MIIP: variants seen among roughly 807,000 people sequenced by gnomAD.
MIIP encodes the protein migration and invasion inhibitory protein.
Under a neutral mutation model 44.8 loss-of-function variants are expected in MIIP, and 44 were observed. The ratio of observed to expected loss-of-function variants is 0.98; its 90% confidence interval spans 0.77 to 1.26. The LOEUF (loss-of-function observed/expected upper bound fraction) is 1.26. MIIP is among the 50% of genes most tolerant of loss of function. MIIP has a pLI of 0.00. For synonymous variants in MIIP, 225 were observed against 218.3 expected (o/e 1.03, Z -0.27); for missense variants, 496 against 511.7 (o/e 0.97, Z 0.30).
At position 12,031,269 on chromosome 1, in the gene MIIP, T is replaced by G. The variant is rs1222098233; in HGVS notation, c.946T>G (p.Cys316Gly). Residue 316 changes from cysteine to glycine, a missense_variant, in exon 9 of 10, where the codon TGC becomes GGC. Coordinates refer to ENST00000235332, the MANE Select transcript of MIIP (RefSeq NM_021933.4). ...ASDTLALPRH[C>G]LLGWDIFPPK... ...TTTAACTCCTTGCCTTCCACAGCAC[T>G]GCCTGCTGGGCTGGGACATTTTTCC... 3.1e-6 allele frequency: 5 copies of G among 1,613,554 alleles called. No homozygotes were observed. Among genetic ancestry groups the G allele is most frequent in the South Asian group, 2.2e-5 (2 of 91,018 alleles).
chr1:12,025,063 T>G (rs866423916), intron 4 of MIIP, among the ~76,000 whole-genome samples: 16 of 151,330 alleles, frequency 1.1e-4, no homozygotes, highest in Admixed American at 4.0e-4. Context: ...TGTTGTTGTT[T>G]TTTTTGTTTG....
chr1:12,028,236 G>A (rs764679904), intron 4 of MIIP, among the ~76,000 whole-genome samples: 5 of 152,258 alleles, frequency 3.3e-5, no homozygotes, highest in East Asian at 1.9e-4. Flanking sequence ...ATCCTAAGTC[G>A]AATCATGGTA....
Position 12,021,667 on chromosome 1 carries a change from C to A in MIIP, c.-60C>A. On this transcript the variant is annotated 5_prime_UTR_variant, in exon 2 of 10. Coordinates refer to ENST00000235332, the MANE Select transcript of MIIP (RefSeq NM_021933.4). ...CAGGTAGAAGAGCTGGGCCTGGAAC[C>A]CAGCCCTGAGGACATCCTGCGGCCC... The A allele has an allele frequency of 6.7e-7, 1 of 1,491,914 alleles. No homozygotes were observed. Among genetic ancestry groups the A allele is most frequent in the Non-Finnish European group, 9.2e-7 (1 of 1,083,368 alleles). The allele number at this position is 1,491,914 out of a possible 1,614,324, so 92.4% of individuals were successfully genotyped here. A position where few individuals can be genotyped will look rare whatever the true frequency, so the allele number is the denominator to read the frequency against.
intron 4 of MIIP, among the ~76,000 whole-genome samples, chr1:12,025,640 G>A (rs999471324): frequency 2.6e-5 from 4 of 152,118 alleles, no homozygotes; most frequent in African/African-American, 9.7e-5. Context: ...CTAGACTTAC[G>A]AGGCATGATC....
chr1:12,028,940 C>T (rs1397136508), intron 4 of MIIP, 93 bp from the exon 5 acceptor site: 9 of 1,053,382 alleles, frequency 8.5e-6, no homozygotes, highest in Non-Finnish European at 1.3e-5. Context: ...CCTGGGGTGC[C>T]AGGGCTGATC....
intron 4 of MIIP, among the ~76,000 whole-genome samples, chr1:12,025,028 C>CTTTTTTTTTTTTTTTTTTTTTTTT (rs147513513): frequency 9.3e-4 from 115 of 123,876 alleles, no homozygotes; most frequent in Non-Finnish European, 1.2e-3. Context: ...AATTCCCTTC[C>CTTTTTTTTTTTTTTTTTTTTTTTT]TTTTTTTTTT....
chr1:12,031,897 G>T lies in MIIP; in HGVS notation c.*89G>T, dbSNP rs148087887. 3 of 1,320,892 alleles carry T rather than the reference G, an allele frequency of 2.3e-6. No homozygotes were observed. In the African/African-American group the frequency reaches 4.3e-5, roughly 19 times the overall value. The allele number at this position is 1,320,892 out of a possible 1,614,324, so 81.8% of individuals were successfully genotyped here. ...ACCCAGGAGATGGAATCCCCTGCCC[G>T]CCCAGCTCAGGCCCAGCTGTCCTAG... is the stretch of plus-strand genomic sequence containing the variant. On this transcript the variant is annotated 3_prime_UTR_variant, in exon 10 of 10. Coordinates refer to ENST00000235332, the MANE Select transcript of MIIP (RefSeq NM_021933.4).
Position 12,021,681 on chromosome 1 carries a change from A to G in MIIP, c.-46A>G. On this transcript the variant is annotated 5_prime_UTR_variant, in exon 2 of 10. Transcript: ENST00000235332. ...GGGCCTGGAACCCAGCCCTGAGGAC[A>G]TCCTGCGGCCCAGGGGCAAGTGACA... The G allele has an allele frequency of 6.4e-7, 1 of 1,558,560 alleles. No homozygotes were observed. The highest frequency in any genetic ancestry group is 1.4e-5 in the African/African-American group (1 of 74,072).
Position 12,019,955 on chromosome 1 carries a change from G to T in MIIP, c.-83+403G>T, listed in dbSNP as rs190950843. 7.1e-3 allele frequency among the ~76,000 whole-genome samples: 1,082 copies of T among 152,314 alleles called. 16 individuals are homozygous for T. Among genetic ancestry groups the T allele is most frequent in the African/African-American group, 0.024 (1,009 of 41,580 alleles). On this transcript the variant is annotated intron_variant, in intron 1 of 9. Transcript: ENST00000235332. ...GTTGGCCCCTCTGGACTGCATCTCCGTGCCCCCCGGCCCTGCGGGGTAATA... is the reference window on the plus strand; with the variant it reads ...GTTGGCCCCTCTGGACTGCATCTCCTTGCCCCCCGGCCCTGCGGGGTAATA...
rs747127837 is a variant in MIIP, at chr1:12,029,881, C to G, written c.832C>G (p.Pro278Ala). 8.7e-6 allele frequency: 14 copies of G among 1,612,878 alleles called. No individual in the cohort carries two copies. In the South Asian group the frequency reaches 8.8e-5, roughly 10 times the overall value. The change falls in exon 7 of 10, where the codon CCA becomes GCA. Residue 278 changes from proline (P) to alanine (A), a missense_variant. Coordinates refer to ENST00000235332, the MANE Select transcript of MIIP (RefSeq NM_021933.4). ...DQQGPGTLAQ[P>A]AHVRVSIPLS... ...GCAGGGCCCTGGGACCCTGGCGCAG[C>G]CAGCGCACGTCAGGTGAGTGACCAG...
rs34874602 is a variant in MIIP at position 12,031,782 on chromosome 1, C to T, written c.1141C>T (p.Pro381Ser). 3,419 of 1,613,922 alleles carry T rather than the reference C, an allele frequency of 2.1e-3. 67 individuals carry two copies. The African/African-American group carries it at 0.04, about 19-fold the overall frequency. ...PTWSVPQVPR[P>S]HVPRQKP Reference sequence around the variant, plus strand: ...CTGGTCAGTGCCCCAGGTCCCTCGGCCCCACGTCCCACGGCAGAAGCCCTG... The same window carrying T: ...CTGGTCAGTGCCCCAGGTCCCTCGGTCCCACGTCCCACGGCAGAAGCCCTG... The change falls in exon 10 of 10, where the codon CCC (proline) becomes TCC (serine). Residue 381 changes from proline (P) to serine (S), a missense_variant. Coordinates refer to ENST00000235332, the MANE Select transcript of MIIP (RefSeq NM_021933.4).
At chr1:12,026,134 G>A (rs971981318) in intron 4 of MIIP, among the ~76,000 whole-genome samples, 1 of 151,984 alleles carries the variant, frequency 6.6e-6, no homozygotes, top group Non-Finnish European at 1.5e-5. Flanking sequence ...GTGAAACTCT[G>A]TCTCTACTAA....
chr1:12,027,864 A>C lies in MIIP; in HGVS notation c.548-1169A>C, dbSNP rs77381358. Among the ~76,000 whole-genome samples the C allele has an allele frequency of 2.3e-3, 353 of 152,368 alleles. 7 individuals are homozygous for C. The East Asian group carries it at 0.041, about 18-fold the overall frequency. On this transcript the variant is annotated intron_variant, in intron 4 of 9. Transcript: ENST00000235332. ...CCAAATACTAAATAGGTCAGGCCAT[A>C]AACTTGCTGGATTTACCATCCAGCT...
rs776825590 is a variant in MIIP, at chr1:12,022,354, C to T, written c.374C>T (p.Pro125Leu). 1 of 1,613,692 alleles carries T rather than the reference C, an allele frequency of 6.2e-7. No individual in the cohort carries two copies. Among genetic ancestry groups the T allele is most frequent in the South Asian group, 1.1e-5 (1 of 91,066 alleles). The change falls in exon 3 of 10, where the codon CCA (proline) becomes CTA (leucine). Residue 125 changes from proline (P) to leucine (L), a missense_variant. By Grantham distance (98) the Pro-to-Leu change is moderately conservative. Transcript: ENST00000235332. ...CTGGGCACCTCAAGCCTGAGGGACC[C>T]AGAGCCCTCAGGGAGGCTGGGTGAT... is the stretch of plus-strand genomic sequence containing the variant. ...PSLGTSSLRDPEPSGRLGDPG... is the reference protein window; with the variant it reads ...PSLGTSSLRDLEPSGRLGDPG...
rs779477951 is a variant in MIIP at position 12,029,101 on chromosome 1, C to T, written c.616C>T (p.Arg206Trp). The stretch of plus-strand genomic sequence containing the variant: ...CTTCTTCTCCAAGCTGCAGGAGTTT[C>T]GGGAAACCAACAAGGAGGAGTGTAT... ...EAFFSKLQEF[R>W]ETNKEECICS... Residue 206 changes from arginine to tryptophan, a missense_variant, in exon 5 of 10, where the codon CGG becomes TGG. Transcript: ENST00000235332. 7.0e-5 allele frequency: 113 copies of T among 1,613,954 alleles called. No individual in the cohort carries two copies. The highest frequency in any genetic ancestry group is 9.3e-5 in the Non-Finnish European group (110 of 1,179,972).
chr1:12,031,454 A>G (rs772134194), intron 9 of MIIP, 51 bp downstream of exon 9: 1 of 1,588,924 alleles, frequency 6.3e-7, no homozygotes, highest in South Asian at 1.1e-5. Context: ...AGGGACAGAG[A>G]CCTCGCAGCA....
At chr1:12,030,337 G>A (rs1232384171) in intron 8 of MIIP, among the ~76,000 whole-genome samples, 1 of 152,146 alleles carries the variant, frequency 6.6e-6, no homozygotes, top group Non-Finnish European at 1.5e-5. Context: ...AGGGTGATCT[G>A]CCTGCAGGCT....
chr1:12,025,364 TTCCC>T (rs1334970384), intron 4 of MIIP, among the ~76,000 whole-genome samples: 8 of 152,064 alleles, frequency 5.3e-5, no homozygotes, highest in Non-Finnish European at 1.2e-4. Context: ...CTGGCTGGAA[TTCCC>T]TTCCTTTTTA....
chr1:12,029,439 C>T, intron 6 of MIIP, 158 bp downstream of exon 6: 1 of 873,612 alleles, frequency 1.1e-6, no homozygotes. Context: ...ACAGGGTGGC[C>T]AAGCCCTGGT....
Sources: gnomAD v4.1 joint callset for allele counts (sites outside exome capture counted in the v4.1 genomes callset) on GRCh38, gnomAD v4.1.1 for gene constraint, MANE v1.5 for transcripts, NCBI Gene and HGNC (gene_info 2026-07-23, HGNC 2026-07-21) for gene names.